The following COMMD10 variants were observed in gnomAD, a reference collection of about 807,000 sequenced individuals.
The protein encoded by COMMD10 is COMM domain-containing protein 10.
Under a neutral mutation model 28.9 loss-of-function variants are expected in COMMD10, and 33 were observed. The ratio of observed to expected loss-of-function variants is 1.14; its 90% CI spans 0.87 to 1.53. The LOEUF is 1.53. COMMD10 is among the 40% of genes most tolerant of loss of function. COMMD10 has a pLI of 0.00. For missense variants in COMMD10, 310 were observed against 233.4 expected (o/e 1.33, Z -2.14); for synonymous variants, 110 against 81.7 (o/e 1.35, Z -1.87).
At chr5:116,269,919 A>G (rs976800947) in intron 5 of COMMD10, among the ~76,000 whole-genome samples, 4 of 151,910 alleles carry the variant, frequency 2.6e-5, no homozygotes, top group South Asian at 2.1e-4. Context: ...TCCCATCTCC[A>G]GAAACCAGGT....
At position 116,272,950 on chromosome 5, in the gene COMMD10, T is replaced by C. The variant is rs181800304; in HGVS notation, c.511-18567T>C. On this transcript the variant is annotated intron_variant, in intron 5 of 6. Transcript: ENST00000274458. The stretch of plus-strand genomic sequence containing the variant: ...TCACTGTGGGCTTCATCTTCAATGT[T>C]GTCTCGTCCCTTCTTAAAACAAGTT... 1.4e-3 allele frequency among the ~76,000 whole-genome samples: 217 copies of C among 152,028 alleles called. 4 individuals carry two copies. Among genetic ancestry groups the C allele is most frequent in the South Asian group, 3.7e-3 (18 of 4,824 alleles).
intron 5 of COMMD10, among the ~76,000 whole-genome samples, chr5:116,194,830 C>G (rs1225345642): frequency 6.6e-6 from 1 of 152,056 alleles, no homozygotes; most frequent in Non-Finnish European, 1.5e-5. Context: ...TAGCATTACC[C>G]TAATACCAAA....
At chr5:116,122,451 A>C (rs762993395) in intron 4 of COMMD10, among the ~76,000 whole-genome samples, 2 of 152,156 alleles carry the variant, frequency 1.3e-5, no homozygotes, top group Non-Finnish European at 2.9e-5. Context: ...CTCAGGATTG[A>C]CTTGGCAATG....
intron 5 of COMMD10, among the ~76,000 whole-genome samples, chr5:116,144,017 C>T (rs1580485035): frequency 6.6e-6 from 1 of 151,900 alleles, no homozygotes; most frequent in East Asian, 1.9e-4. Flanking sequence ...GAAAAAGCAC[C>T]TGAAAGACGA....
chr5:116,226,682 A>T (rs1416008153), intron 5 of COMMD10, among the ~76,000 whole-genome samples: 2 of 152,086 alleles, frequency 1.3e-5, no homozygotes, highest in African/African-American at 4.8e-5. Context: ...CCTGAAGCCA[A>T]TACCTTGGGA....
At chr5:116,123,013 T>C (rs1275729622) in intron 4 of COMMD10, among the ~76,000 whole-genome samples, 3 of 152,194 alleles carry the variant, frequency 2.0e-5, no homozygotes, top group Non-Finnish European at 2.9e-5. Flanking sequence ...TCCAACACTA[T>C]GTTGAATAGG....
In COMMD10 at chr5:116,184,307, A is replaced by G. The variant is rs1441956342; in HGVS notation, c.510+50129A>G. The stretch of plus-strand genomic sequence containing the variant: ...TTTTCTTTATTTTTCTTAACTATAT[A>G]TCTGACCTTTTTTTTTTTTTCTCAA... On this transcript the variant is annotated intron_variant, in intron 5 of 6. Coordinates refer to ENST00000274458, the MANE Select transcript of COMMD10 (RefSeq NM_016144.4). Among the ~76,000 whole-genome samples, 5 of 79,396 alleles carry G rather than the reference A, an allele frequency of 6.3e-5. No individual in the cohort carries two copies. In the East Asian group the frequency reaches 2.0e-3, roughly 31 times the overall value. The allele number at this position is 79,396 out of a possible 152,430, so 52.1% of individuals were successfully genotyped here.
chr5:116,172,845 A>G (rs958107723), intron 5 of COMMD10, among the ~76,000 whole-genome samples: 16 of 152,164 alleles, frequency 1.1e-4, no homozygotes, highest in African/African-American at 3.9e-4. Flanking sequence ...TTTAATTACA[A>G]AAAATACGAT....
At chr5:116,146,371 T>TA (rs1392155325) in intron 5 of COMMD10, among the ~76,000 whole-genome samples, 2 of 151,884 alleles carry the variant, frequency 1.3e-5, no homozygotes, top group Non-Finnish European at 2.9e-5. Context: ...AGAAATCAAT[T>TA]AAAATGTGAG....
chr5:116,154,580 A>C (rs1363396195), intron 5 of COMMD10, among the ~76,000 whole-genome samples: 1 of 152,090 alleles, frequency 6.6e-6, no homozygotes, highest in Non-Finnish European at 1.5e-5. Context: ...TGGAGCTCTG[A>C]TATAAAAATT....
intron 5 of COMMD10, among the ~76,000 whole-genome samples, chr5:116,194,647 A>G (rs1284738022): frequency 6.6e-6 from 1 of 152,168 alleles, no homozygotes; most frequent in Non-Finnish European, 1.5e-5. Flanking sequence ...TGAACAGACC[A>G]ATAACAAGCA....
At chr5:116,290,121 G>A (rs568234390) in intron 5 of COMMD10, among the ~76,000 whole-genome samples, 1 of 151,866 alleles carries the variant, frequency 6.6e-6, no homozygotes, top group African/African-American at 2.4e-5. Context: ...TATCTTTTTG[G>A]ATGGAGGTGA....
chr5:116,141,163 C>A (rs1361673639), intron 5 of COMMD10, among the ~76,000 whole-genome samples: 2 of 151,446 alleles, frequency 1.3e-5, no homozygotes, highest in African/African-American at 4.8e-5. Context: ...GTTTTCCCAG[C>A]ACCATTTATT....
At chr5:116,096,665 A>G (rs560925165) in intron 4 of COMMD10, among the ~76,000 whole-genome samples, 3 of 152,162 alleles carry the variant, frequency 2.0e-5, no homozygotes, top group South Asian at 2.1e-4. Context: ...CTTGTTCCCA[A>G]TTTTAGGGTG....
intron 5 of COMMD10, among the ~76,000 whole-genome samples, chr5:116,224,362 T>A (rs970096747): frequency 6.6e-6 from 1 of 152,148 alleles, no homozygotes; most frequent in Non-Finnish European, 1.5e-5. Context: ...TATTAATCCA[T>A]TTTTGTTGGT....
At chr5:116,101,041 G>A (rs1217075758) in intron 4 of COMMD10, among the ~76,000 whole-genome samples, 1 of 152,120 alleles carries the variant, frequency 6.6e-6, no homozygotes, top group East Asian at 1.9e-4. Context: ...ATGGCCTCCA[G>A]TTTCATCCAA....
intron 5 of COMMD10, among the ~76,000 whole-genome samples, chr5:116,287,586 C>T (rs1751252107): frequency 6.6e-6 from 1 of 151,574 alleles, no homozygotes; most frequent in South Asian, 2.1e-4. Flanking sequence ...AAATAATTAC[C>T]GATAGGCAAG....
rs1294964911 is a variant in COMMD10, at chr5:116,222,882, AG to A, written c.511-68632del. Among the ~76,000 whole-genome samples the A allele has an allele frequency of 2.0e-5, 3 of 152,104 alleles. No homozygotes were observed. In the East Asian group the frequency reaches 5.8e-4, roughly 29 times the overall value. On this transcript the variant is annotated intron_variant, in intron 5 of 6. Coordinates refer to ENST00000274458, the MANE Select transcript of COMMD10 (RefSeq NM_016144.4). ...AATTTTTTGTATTTTTGGTAGGGAC[AG>A]GGTTTCACCATGTTGATCAGGCTTG...
At chr5:116,096,146 C>T (rs529236665) in intron 4 of COMMD10, among the ~76,000 whole-genome samples, 64 of 151,966 alleles carry the variant, frequency 4.2e-4, no homozygotes, top group African/African-American at 1.5e-3. Flanking sequence ...GTAAAAAATC[C>T]TGCTTGGGGT....
Sources: allele counts gnomAD v4.1 joint callset (sites outside exome capture counted in the v4.1 genomes callset), GRCh38; gene constraint gnomAD v4.1.1; transcripts MANE v1.5; gene names NCBI Gene and HGNC (gene_info 2026-07-23, HGNC 2026-07-21).